GRID2: variants seen among roughly 807,000 people sequenced by gnomAD.
GRID2 encodes glutamate ionotropic receptor delta type subunit 2.
In GRID2, 33 loss-of-function variants were observed where a neutral mutation model predicts 114.8. The ratio of observed to expected loss-of-function variants is 0.29; its 90% CI spans 0.22 to 0.38. GRID2 has a LOEUF of 0.38. Ranked by LOEUF, GRID2 falls within the 10% of genes least tolerant of loss-of-function variation. The pLI, the probability that GRID2 is intolerant of heterozygous loss-of-function variation, is 1.00. For missense variants in GRID2, 1,184 were observed against 1,257.7 expected (o/e 0.94, Z 0.89); for synonymous variants, 505 against 449.9 (o/e 1.12, Z -1.55).
intron 2 of GRID2, among the ~76,000 whole-genome samples, chr4:92,715,548 A>C (rs1222105713): frequency 1.3e-5 from 2 of 152,208 alleles, no homozygotes; most frequent in East Asian, 1.9e-4. Flanking sequence ...TTTACAAAAA[A>C]AAAGAGGTTT....
chr4:93,321,145 G>C (rs1294931952), intron 8 of GRID2, among the ~76,000 whole-genome samples: 1 of 151,950 alleles, frequency 6.6e-6, no homozygotes, highest in Non-Finnish European at 1.5e-5. Flanking sequence ...ATCCACAATG[G>C]AGAATGTCCA....
chr4:93,079,877 C>T (rs1208417450), intron 2 of GRID2, among the ~76,000 whole-genome samples: 1 of 151,990 alleles, frequency 6.6e-6, no homozygotes, highest in Non-Finnish European at 1.5e-5. Flanking sequence ...CATTTAAGCA[C>T]TTCTATTTTG....
At chr4:92,589,803 A>T (rs1424944482) in intron 1 of GRID2, among the ~76,000 whole-genome samples, 1 of 152,144 alleles carries the variant, frequency 6.6e-6, no homozygotes, top group Non-Finnish European at 1.5e-5. Flanking sequence ...CCAGCTATGA[A>T]TTCCTTAAAA....
intron 1 of GRID2, among the ~76,000 whole-genome samples, chr4:92,384,669 ATATAT>A (rs979997413): frequency 5.5e-5 from 5 of 91,074 alleles, no homozygotes; most frequent in East Asian, 2.6e-4. Context: ...TATTATATAC[ATATAT>A]TATATATATA....
At chr4:93,285,633 A>T (rs972435626) in intron 8 of GRID2, among the ~76,000 whole-genome samples, 1 of 152,016 alleles carries the variant, frequency 6.6e-6, no homozygotes, top group Non-Finnish European at 1.5e-5. Context: ...AAGAAAGGGA[A>T]AGTAAGTATA....
chr4:93,337,658 A>C (rs1247325806), intron 8 of GRID2, among the ~76,000 whole-genome samples: 1 of 151,690 alleles, frequency 6.6e-6, no homozygotes, highest in Non-Finnish European at 1.5e-5. Context: ...AAAGCTGGTC[A>C]TAAACAAAAA....
At chr4:93,750,864 G>A (rs890191583) in intron 14 of GRID2, among the ~76,000 whole-genome samples, 5 of 152,168 alleles carry the variant, frequency 3.3e-5, no homozygotes, top group African/African-American at 1.2e-4. Flanking sequence ...TTAGTTCCTA[G>A]CCAGTGATCT....
At chr4:92,600,024 ATGTGTGTGTGTGTG>A (rs145357264) in intron 2 of GRID2, among the ~76,000 whole-genome samples, 3 of 79,664 alleles carry the variant, frequency 3.8e-5, no homozygotes, top group African/African-American at 1.7e-4. Context: ...TACTTCATGT[ATGTGTGTGTGTGTG>A]TGTGTGTATA....
intron 6 of GRID2, among the ~76,000 whole-genome samples, chr4:93,220,570 A>G (rs1008584309): frequency 6.6e-6 from 1 of 152,210 alleles, no homozygotes; most frequent in Non-Finnish European, 1.5e-5. Context: ...TTCTCCAAAT[A>G]TTCAAACAAA....
chr4:93,166,694 G>T (rs545964539), intron 4 of GRID2, among the ~76,000 whole-genome samples: 2 of 152,030 alleles, frequency 1.3e-5, no homozygotes, highest in South Asian at 4.1e-4. Flanking sequence ...ATCTCTTCTG[G>T]CCAGAGCTGC....
At chr4:92,956,430 A>G (rs190759601) in intron 2 of GRID2, among the ~76,000 whole-genome samples, 1 of 152,310 alleles carries the variant, frequency 6.6e-6, no homozygotes, top group East Asian at 1.9e-4. Context: ...GCCTTACTGT[A>G]TCCACAGTTT....
intron 2 of GRID2, among the ~76,000 whole-genome samples, chr4:92,600,042 G>GTATATATATATATA (rs1264402444): frequency 8.5e-5 from 6 of 70,362 alleles, no homozygotes; most frequent in African/African-American, 1.8e-4. Flanking sequence ...GTGTGTGTGT[G>GTATATATATATATA]TGTATATATA....
At chr4:93,161,583 G>T (rs942928566) in intron 4 of GRID2, among the ~76,000 whole-genome samples, 1 of 151,532 alleles carries the variant, frequency 6.6e-6, no homozygotes, top group East Asian at 1.9e-4. Context: ...CATAATTATC[G>T]TTCATGTGGT....
chr4:93,397,596 C>T (rs1163855189), intron 9 of GRID2, among the ~76,000 whole-genome samples: 2 of 151,826 alleles, frequency 1.3e-5, no homozygotes, highest in African/African-American at 4.8e-5. Flanking sequence ...CAGACCTTGT[C>T]CTCAAAGTAT....
intron 2 of GRID2, among the ~76,000 whole-genome samples, chr4:92,691,771 C>T (rs1035048026): frequency 6.6e-6 from 1 of 152,182 alleles, no homozygotes; most frequent in Admixed American, 6.5e-5. Flanking sequence ...CATCATCACA[C>T]ATACCAATGC....
In GRID2 at chr4:93,179,544, C is replaced by T. The variant is rs533151513; in HGVS notation, c.736-27860C>T. On this transcript the variant is annotated intron_variant, in intron 4 of 15. Coordinates refer to ENST00000282020, the MANE Select transcript of GRID2 (RefSeq NM_001510.4). ...TATTTATCCCGAAGAAAATCATATA[C>T]AGAATTCTAATACATGAAATAAATA... 5.3e-5 allele frequency among the ~76,000 whole-genome samples: 8 copies of T among 152,174 alleles called. No individual in the cohort carries two copies. In the South Asian group the frequency reaches 1.4e-3, roughly 28 times the overall value.
chr4:92,688,203 C>T (rs1447481658), intron 2 of GRID2, among the ~76,000 whole-genome samples: 1 of 151,452 alleles, frequency 6.6e-6, no homozygotes, highest in Non-Finnish European at 1.5e-5. Flanking sequence ...GTGCCTGCCA[C>T]CACGCCCAGC....
intron 2 of GRID2, among the ~76,000 whole-genome samples, chr4:92,790,724 GA>G (rs148843080): frequency 0.032 from 3,178 of 99,296 alleles, 73 homozygotes; most frequent in African/African-American, 0.077. Context: ...AGCTTTTTAA[GA>G]AAAAAAAAAA....
At chr4:93,414,548 C>T (rs1046038462) in intron 9 of GRID2, among the ~76,000 whole-genome samples, 31 of 152,036 alleles carry the variant, frequency 2.0e-4, no homozygotes, top group Admixed American at 1.6e-3. Context: ...TGTATTTATA[C>T]TTACTCTTTC....
Sources: allele counts gnomAD v4.1 joint callset (sites outside exome capture counted in the v4.1 genomes callset), GRCh38; gene constraint gnomAD v4.1.1; transcripts MANE v1.5; gene names NCBI Gene and HGNC (gene_info 2026-07-23, HGNC 2026-07-21).